APOL6: variants seen among roughly 807,000 people sequenced by gnomAD.
The protein encoded by APOL6 is apolipoprotein L, 6.
In APOL6, 1 loss-of-function variant was observed where a neutral mutation model predicts 2.4. The ratio of observed to expected loss-of-function variants is 0.41; its 90% confidence interval spans 0.15 to 1.94. APOL6 has a LOEUF of 1.94. Ranked by LOEUF, APOL6 falls within the 30% of genes most tolerant of loss-of-function variation. APOL6 has a pLI of 0.30. For synonymous variants in APOL6, 189 were observed against 169.3 expected, an observed-to-expected ratio of 1.12 and a Z score of -0.90; for missense variants, 438 against 429.2, an observed-to-expected ratio of 1.02 and a Z score of -0.18.
intron 1 of APOL6, among the ~76,000 whole-genome samples, chr22:35,648,866 T>C (rs1366567377): frequency 6.6e-6 from 1 of 152,230 alleles, no homozygotes; most frequent in Non-Finnish European, 1.5e-5. Context: ...TGCTAAAGCA[T>C]GCGATGTGAC....
Position 35,664,796 on chromosome 22 carries a change from G to A in APOL6, c.*5200G>A, listed in dbSNP as rs921163327. ...AAAACATTGTTGCTTAAAAAAAAGT[G>A]TGTCCTTTTTTAAAAAAATGGTGAA... On this transcript the variant is annotated 3_prime_UTR_variant, in exon 3 of 3. Transcript: ENST00000409652. The A allele has an allele frequency of 3.3e-5, 5 of 151,536 alleles. No individual in the cohort carries two copies. Among genetic ancestry groups the A allele is most frequent in the African/African-American group, 1.2e-4 (5 of 41,258 alleles). The allele number at this position is 151,536 out of a possible 1,614,324, so 9.4% of individuals were successfully genotyped here.
chr22:35,665,444 G>A lies in APOL6; in HGVS notation c.*5848G>A, dbSNP rs1388224943. The A allele has an allele frequency of 1.3e-5, 2 of 152,142 alleles. No homozygotes were observed. Among genetic ancestry groups the A allele is most frequent in the Non-Finnish European group, 2.9e-5 (2 of 68,028 alleles). The allele number at this position is 152,142 out of a possible 1,614,324, so 9.4% of individuals were successfully genotyped here. ...AGGCCCAGGGACTATTGCGGAAGAG[G>A]TGGGCGCGTAAGATTGTAAGGGCCG... On this transcript the variant is annotated 3_prime_UTR_variant, in exon 3 of 3. Coordinates refer to ENST00000409652, the MANE Select transcript of APOL6 (RefSeq NM_030641.4).
At chr22:35,653,992 G>T (rs756091466) in intron 1 of APOL6, among the ~76,000 whole-genome samples, 5 of 152,142 alleles carry the variant, frequency 3.3e-5, no homozygotes, top group Non-Finnish European at 5.9e-5. Context: ...AGAACAGCTT[G>T]CAAAACTCAG....
chr22:35,651,098 C>T (rs1050824809), intron 1 of APOL6, among the ~76,000 whole-genome samples: 15 of 152,152 alleles, frequency 9.9e-5, no homozygotes, highest in African/African-American at 2.9e-4. Context: ...CTGCCGTAAG[C>T]GCTGGACCAA....
intron 2 of APOL6, among the ~76,000 whole-genome samples, chr22:35,657,890 T>C (rs1273140788): frequency 6.6e-6 from 1 of 152,228 alleles, no homozygotes; most frequent in Non-Finnish European, 1.5e-5. Context: ...GATCCCTTCG[T>C]ACTTCATCCT....
intron 1 of APOL6, among the ~76,000 whole-genome samples, chr22:35,651,561 C>T (rs529066598): frequency 1.3e-5 from 2 of 152,042 alleles, no homozygotes; most frequent in Admixed American, 1.3e-4. Context: ...CCCCACCCCA[C>T]AACAGGCCCC....
chr22:35,660,955 A>T lies in APOL6; in HGVS notation c.*1359A>T, dbSNP rs946566680. The T allele has an allele frequency of 2.6e-5, 4 of 152,180 alleles. No individual in the cohort carries two copies. The highest frequency in any genetic ancestry group is 5.9e-5 in the Non-Finnish European group (4 of 68,040). 9.4% of individuals were successfully genotyped at this position (152,180 alleles called of 1,614,324 possible). On this transcript the variant is annotated 3_prime_UTR_variant, in exon 3 of 3. Transcript: ENST00000409652. ...CAGATTAACAGGAGAAAAAGCATAT[A>T]CATTTTTTAATGTGGGCCAGATGGC...
At position 35,668,241 on chromosome 22, in the gene APOL6, A is replaced by G. The variant is rs1016380450; in HGVS notation, c.*8645A>G. ...TTGTTTTGCCTTTCTGGACAGGACCAATGTATATCTTAAATGTATTTGATT... is the reference window on the plus strand; with the variant it reads ...TTGTTTTGCCTTTCTGGACAGGACCGATGTATATCTTAAATGTATTTGATT... On this transcript the variant is annotated 3_prime_UTR_variant, in exon 3 of 3. Transcript: ENST00000409652. The G allele has an allele frequency of 3.9e-5, 6 of 152,258 alleles. No individual in the cohort carries two copies. The highest frequency in any genetic ancestry group is 7.4e-5 in the Non-Finnish European group (5 of 68,022). 9.4% of individuals were successfully genotyped at this position (152,258 alleles called of 1,614,324 possible).
chr22:35,655,082 T>A (rs1032473764), intron 1 of APOL6, among the ~76,000 whole-genome samples: 1 of 152,220 alleles, frequency 6.6e-6, no homozygotes, highest in South Asian at 2.1e-4. Context: ...TTTTTCTTCA[T>A]CTTGTCCCTT....
chr22:35,656,510 T>C, intron 2 of APOL6, 35 bp downstream of exon 2: 1 of 1,611,850 alleles, frequency 6.2e-7, no homozygotes, highest in Non-Finnish European at 8.5e-7. Context: ...GGGAGAGGGC[T>C]GATTCTGTTG....
chr22:35,652,714 C>T lies in APOL6; in HGVS notation c.-47-3665C>T, dbSNP rs558399127. Among the ~76,000 whole-genome samples, 365 of 151,640 alleles carry T rather than the reference C, an allele frequency of 2.4e-3. 4 individuals carry two copies. The highest frequency in any genetic ancestry group is 8.5e-3 in the African/African-American group (353 of 41,336). ...CAAAGATCAGATAGTTGTAGATATG[C>T]GGCATTATTTCTGAGGGCTCTGTTC... On this transcript the variant is annotated intron_variant, in intron 1 of 2. Transcript: ENST00000409652.
rs1221122076 is a variant in APOL6 at position 35,666,860 on chromosome 22, T to G, written c.*7264T>G. The G allele has an allele frequency of 6.6e-6, 1 of 152,258 alleles. No homozygotes were observed. The highest frequency in any genetic ancestry group is 6.5e-5 in the Admixed American group (1 of 15,284). 9.4% of individuals were successfully genotyped at this position (152,258 alleles called of 1,614,324 possible). On this transcript the variant is annotated 3_prime_UTR_variant, in exon 3 of 3. Transcript: ENST00000409652. ...TGAGCTATTGACAGCTTTTAACAATTTAGTATACTCCTATGACAAAATTTG... is the reference window on the plus strand; with the variant it reads ...TGAGCTATTGACAGCTTTTAACAATGTAGTATACTCCTATGACAAAATTTG...
intron 1 of APOL6, among the ~76,000 whole-genome samples, chr22:35,649,132 G>C (rs888304510): frequency 1.3e-5 from 2 of 152,150 alleles, no homozygotes; most frequent in Admixed American, 6.5e-5. Context: ...GAGGGAGTTT[G>C]TGATAAATAT....
At chr22:35,655,595 TATA>T (rs1924824345) in intron 1 of APOL6, among the ~76,000 whole-genome samples, 1 of 152,168 alleles carries the variant, frequency 6.6e-6, no homozygotes, top group Non-Finnish European at 1.5e-5. Context: ...ATAAAAAAAC[TATA>T]ATTTGTTTGT....
At chr22:35,653,374 T>C (rs1924751183) in intron 1 of APOL6, among the ~76,000 whole-genome samples, 1 of 152,234 alleles carries the variant, frequency 6.6e-6, no homozygotes, top group Non-Finnish European at 1.5e-5. Flanking sequence ...CTTTTCCTAA[T>C]TGAATGCCCT....
intron 1 of APOL6, among the ~76,000 whole-genome samples, chr22:35,650,568 C>A (rs1198423851): frequency 1.3e-5 from 2 of 152,036 alleles, no homozygotes; most frequent in South Asian, 2.1e-4. Context: ...AAATTTTCAA[C>A]CTTAAACTTG....
rs760610849 is a variant in APOL6, at chr22:35,658,715, G to C, written c.151G>C (p.Glu51Gln). The C allele has an allele frequency of 1.2e-6, 2 of 1,614,174 alleles. No homozygotes were observed. The highest frequency in any genetic ancestry group is 2.2e-5 in the South Asian group (2 of 91,082). Residue 51 changes from glutamate (E) to glutamine (Q), a missense_variant, in exon 3 of 3, where the codon GAA becomes CAA. By Grantham distance (29) the Glu-to-Gln change is conservative. Coordinates refer to ENST00000409652, the MANE Select transcript of APOL6 (RefSeq NM_030641.4). The part of the protein sequence containing the change: ...IFLREFPRLK[E>Q]DLKGNIDKLR... ...TTTGAGAGAATTTCCCAGATTGAAA[G>C]AAGATCTGAAAGGGAACATTGACAA... is the stretch of plus-strand genomic sequence containing the variant.
chr22:35,663,836 A>G lies in APOL6; in HGVS notation c.*4240A>G, dbSNP rs1925098293. 6.6e-6 allele frequency: 1 copy of G among 152,124 alleles called. No individual in the cohort carries two copies. Among genetic ancestry groups the G allele is most frequent in the Non-Finnish European group, 1.5e-5 (1 of 68,022 alleles). The allele number at this position is 152,124 out of a possible 1,614,324, so 9.4% of individuals were successfully genotyped here. A position where few individuals can be genotyped will look rare whatever the true frequency, so the allele number is the denominator to read the frequency against. ...CAGGTTATCAAGAATCTGAAAGTCT[A>G]AGATAGGAAAAAAAAGTGGGGGGGC... On this transcript the variant is annotated 3_prime_UTR_variant, in exon 3 of 3. Coordinates refer to ENST00000409652, the MANE Select transcript of APOL6 (RefSeq NM_030641.4).
At position 35,660,565 on chromosome 22, in the gene APOL6, G is replaced by A. The variant is rs946658410; in HGVS notation, c.*969G>A. On this transcript the variant is annotated 3_prime_UTR_variant, in exon 3 of 3. Coordinates refer to ENST00000409652, the MANE Select transcript of APOL6 (RefSeq NM_030641.4). ...CCAAGTGTCTTAGTCTGTTTGTGCT[G>A]CTATAACAAAATACCTTAGACTGGG... is the stretch of plus-strand genomic sequence containing the variant. The A allele has an allele frequency of 6.6e-6, 1 of 152,262 alleles. No homozygotes were observed. 9.4% of individuals were successfully genotyped at this position (152,262 alleles called of 1,614,324 possible). A position where few individuals can be genotyped will look rare whatever the true frequency, so the allele number is the denominator to read the frequency against.
Sources: allele counts gnomAD v4.1 joint callset (sites outside exome capture counted in the v4.1 genomes callset), GRCh38; gene constraint gnomAD v4.1.1; transcripts MANE v1.5; gene names NCBI Gene and HGNC (gene_info 2026-07-23, HGNC 2026-07-21).